The following GALNT13 variants were observed in gnomAD, a reference collection of about 807,000 sequenced individuals.
GALNT13 encodes polypeptide N-acetylgalactosaminyltransferase 13, also known as UDP-GalNAc:polypeptide N-acetylgalactosaminyltransferase 13.
A neutral mutation model predicts 64.2 loss-of-function variants in GALNT13; 28 were observed. The observed-to-expected ratio is 0.44, with a 90% CI of 0.32 to 0.60. The LOEUF is 0.60. Ranked by LOEUF, GALNT13 falls within the 20% of genes least tolerant of loss-of-function variation. The pLI is 0.05. For missense variants in GALNT13, 577 were observed against 669.8 expected (o/e 0.86, Z 1.53); for synonymous variants, 214 against 224.6 (o/e 0.95, Z 0.42).
the GALNT13 span, among the ~76,000 whole-genome samples, chr2:153,092,329 T>C: frequency 1.3e-5 from 2 of 152,194 alleles, no homozygotes; most frequent in Non-Finnish European, 2.9e-5. Flanking sequence ...TCTGGGTCTT[T>C]TGTGGTTTCA....
At chr2:153,388,546 CT>C in the GALNT13 span, among the ~76,000 whole-genome samples, 13 of 152,004 alleles carry the variant, frequency 8.6e-5, no homozygotes, top group African/African-American at 3.1e-4. Flanking sequence ...CCTGGAAAAG[CT>C]TTTATTAGAA....
chr2:153,315,602 C>T, the GALNT13 span, among the ~76,000 whole-genome samples: 1 of 152,064 alleles, frequency 6.6e-6, no homozygotes, highest in African/African-American at 2.4e-5. Flanking sequence ...AGATTTTAGC[C>T]ATCATTCCAT....
chr2:153,774,306 T>C, the GALNT13 span, among the ~76,000 whole-genome samples: 1 of 152,130 alleles, frequency 6.6e-6, no homozygotes, highest in African/African-American at 2.4e-5. Flanking sequence ...GTGATGTTTC[T>C]TTTCTCTCTC....
chr2:153,367,096 A>G, the GALNT13 span, among the ~76,000 whole-genome samples: 1 of 152,126 alleles, frequency 6.6e-6, no homozygotes, highest in African/African-American at 2.4e-5. Flanking sequence ...GGAATGTATC[A>G]CAGAGAGACT....
At chr2:153,441,702 T>C in the GALNT13 span, among the ~76,000 whole-genome samples, 1 of 152,184 alleles carries the variant, frequency 6.6e-6, no homozygotes, top group African/African-American at 2.4e-5. Flanking sequence ...TTATTCTCTT[T>C]GTAGCAATTG....
the GALNT13 span, among the ~76,000 whole-genome samples, chr2:153,382,956 A>C: frequency 2.0e-5 from 3 of 152,066 alleles, no homozygotes; most frequent in Non-Finnish European, 2.9e-5. Flanking sequence ...TCTTATAAAA[A>C]GTATTTTCTT....
the GALNT13 span, among the ~76,000 whole-genome samples, chr2:153,334,661 T>C: frequency 6.6e-6 from 1 of 152,246 alleles, no homozygotes; most frequent in African/African-American, 2.4e-5. Context: ...AAGATATGAA[T>C]TATTTCTTTA....
intron 9 of GALNT13, among the ~76,000 whole-genome samples, chr2:154,357,272 G>A (rs1016093449): frequency 4.6e-5 from 7 of 151,944 alleles, no homozygotes; most frequent in South Asian, 4.1e-4. Context: ...TGACTTATTT[G>A]GGGCAATATG....
the GALNT13 span, among the ~76,000 whole-genome samples, chr2:153,823,701 T>C: frequency 1.3e-5 from 2 of 152,154 alleles, no homozygotes; most frequent in Non-Finnish European, 2.9e-5. Context: ...TTCTGGACAT[T>C]GGATTTGCCA....
At chr2:153,078,318 C>CTTTTTTTT in the GALNT13 span, among the ~76,000 whole-genome samples, 1 of 134,016 alleles carries the variant, frequency 7.5e-6, no homozygotes, top group Non-Finnish European at 1.6e-5. Flanking sequence ...CCTTTTCATT[C>CTTTTTTTT]TTTTTTTTTT....
At chr2:153,933,664 G>A (rs540047130) in intron 2 of GALNT13, among the ~76,000 whole-genome samples, 1 of 152,220 alleles carries the variant, frequency 6.6e-6, no homozygotes, top group African/African-American at 2.4e-5. Flanking sequence ...ACTTGATCAT[G>A]TAGGTGTTTT....
At chr2:153,344,289 C>T in the GALNT13 span, among the ~76,000 whole-genome samples, 1 of 152,226 alleles carries the variant, frequency 6.6e-6, no homozygotes, top group Admixed American at 6.5e-5. Flanking sequence ...CAGTCAGAAG[C>T]ACACACTGAA....
chr2:153,648,184 C>G, the GALNT13 span, among the ~76,000 whole-genome samples: 1 of 152,136 alleles, frequency 6.6e-6, no homozygotes, highest in Non-Finnish European at 1.5e-5. Flanking sequence ...ACCTTCACAT[C>G]GCTTGTAAGT....
At chr2:153,211,450 C>T in the GALNT13 span, among the ~76,000 whole-genome samples, 1 of 152,128 alleles carries the variant, frequency 6.6e-6, no homozygotes, top group Non-Finnish European at 1.5e-5. Flanking sequence ...GCCGACAAAC[C>T]TTTTAAACAT....
the GALNT13 span, chr2:153,478,576 G>T: frequency 6.5e-7 from 1 of 1,544,514 alleles, no homozygotes; most frequent in South Asian, 1.2e-5. Flanking sequence ...CGCAGGAACG[G>T]GCGGGCGCCG....
At chr2:153,973,607 T>G (rs1308117379) in intron 3 of GALNT13, among the ~76,000 whole-genome samples, 8 of 151,994 alleles carry the variant, frequency 5.3e-5, no homozygotes, top group Admixed American at 3.3e-4. Flanking sequence ...TTCTTTTTTT[T>G]GTGCCTTACT....
At chr2:154,365,688 G>A (rs1340845266) in intron 9 of GALNT13, among the ~76,000 whole-genome samples, 1 of 152,182 alleles carries the variant, frequency 6.6e-6, no homozygotes, top group East Asian at 1.9e-4. Context: ...AGAGAAAGTG[G>A]CTTAAGTCAT....
At chr2:153,642,657 A>G in the GALNT13 span, among the ~76,000 whole-genome samples, 10 of 152,058 alleles carry the variant, frequency 6.6e-5, 3 homozygotes, top group South Asian at 2.1e-3. Context: ...ATGAAGAGAG[A>G]TTTCATAGCA....
At chr2:153,481,734 A>G in the GALNT13 span, among the ~76,000 whole-genome samples, 1 of 152,148 alleles carries the variant, frequency 6.6e-6, no homozygotes, top group African/African-American at 2.4e-5. Context: ...CTGTAAAGGT[A>G]TTTTTACAGA....
Sources: allele counts gnomAD v4.1 joint callset (sites outside exome capture counted in the v4.1 genomes callset), GRCh38; gene constraint gnomAD v4.1.1; transcripts MANE v1.5; gene names NCBI Gene and HGNC (gene_info 2026-07-23, HGNC 2026-07-21).